The following NEK11 variants were observed in gnomAD, a reference collection of about 807,000 sequenced individuals.
The protein encoded by NEK11 is NIMA related kinase 11, also known as serine/threonine-protein kinase Nek11.
NEK11 carries 72 observed loss-of-function variants against 80.7 expected under a neutral mutation model. That is an observed-to-expected ratio of 0.89 (90% CI 0.74 to 1.08). The LOEUF is 1.08. Among genes scored for constraint, NEK11 ranks in the 50% least tolerant of loss-of-function variants. NEK11 has a pLI of 0.00. For synonymous variants in NEK11, 251 were observed against 260.7 expected, an observed-to-expected ratio of 0.96 and a Z score of 0.36; for missense variants, 764 against 763.6, an observed-to-expected ratio of 1.00 and a Z score of -0.01.
At chr3:131,123,169 AT>A (rs945306508) in intron 5 of NEK11, among the ~76,000 whole-genome samples, 11 of 150,316 alleles carry the variant, frequency 7.3e-5, no homozygotes, top group East Asian at 3.9e-4. Flanking sequence ...ATACATTACG[AT>A]TTTTTTTTTC....
intron 17 of NEK11, among the ~76,000 whole-genome samples, chr3:131,290,289 T>C (rs6439279): frequency 0.76 from 116,087 of 152,110 alleles, 44,427 homozygotes; most frequent in South Asian, 0.81. Flanking sequence ...TGTGTGCACC[T>C]TCACCAGTGT....
chr3:131,029,316 A>T (rs1270797428), intron 2 of NEK11, among the ~76,000 whole-genome samples: 1 of 152,212 alleles, frequency 6.6e-6, no homozygotes, highest in Admixed American at 6.5e-5. Context: ...GGGGAGTATA[A>T]ATCTTAAATA....
chr3:131,184,561 G>A (rs1359725806), intron 14 of NEK11: 5 of 292,938 alleles, frequency 1.7e-5, no homozygotes, highest in Middle Eastern at 4.3e-4. Context: ...TTAAGAACAC[G>A]AATGCTTTTT....
intron 14 of NEK11, among the ~76,000 whole-genome samples, chr3:131,204,190 G>A (rs1339942490): frequency 6.6e-6 from 1 of 152,134 alleles, no homozygotes; most frequent in African/African-American, 2.4e-5. Flanking sequence ...TGAACACATG[G>A]AGGGTCCTAG....
chr3:131,095,054 A>C (rs2077239146), intron 4 of NEK11, among the ~76,000 whole-genome samples: 1 of 152,166 alleles, frequency 6.6e-6, no homozygotes, highest in South Asian at 2.1e-4. Flanking sequence ...GATTTCTCCA[A>C]TTCAGGCACA....
intron 3 of NEK11, among the ~76,000 whole-genome samples, chr3:131,074,793 A>G (rs1309220698): frequency 6.6e-6 from 1 of 152,148 alleles, no homozygotes; most frequent in Admixed American, 6.5e-5. Flanking sequence ...TTCCTGCTCA[A>G]AGAAAGGTTA....
chr3:131,335,154 G>C (rs1029991196), intron 17 of NEK11, among the ~76,000 whole-genome samples: 1 of 152,190 alleles, frequency 6.6e-6, no homozygotes, highest in African/African-American at 2.4e-5. Context: ...AAGCCTGGCA[G>C]AGACACAACC....
rs1017722678 is a variant in NEK11 at position 131,291,859 on chromosome 3, G to A, written c.1718+18285G>A. On this transcript the variant is annotated intron_variant, in intron 17 of 17. Transcript: ENST00000383366. Reference sequence around the variant, plus strand: ...TGCATAATAGCCCCTTATCAGATAAGTGTTTTGCAAATATCTTCTCCCAGT... The same window carrying A: ...TGCATAATAGCCCCTTATCAGATAAATGTTTTGCAAATATCTTCTCCCAGT... Among the ~76,000 whole-genome samples, 3 of 152,156 alleles carry A rather than the reference G, an allele frequency of 2.0e-5. 1 individual carries two copies. Among genetic ancestry groups the A allele is most frequent in the African/African-American group, 7.2e-5 (3 of 41,426 alleles).
At chr3:131,310,634 G>A (rs529566927) in intron 17 of NEK11, among the ~76,000 whole-genome samples, 2 of 152,240 alleles carry the variant, frequency 1.3e-5, no homozygotes, top group South Asian at 4.1e-4. Context: ...GATGTCAGAG[G>A]TGCTGATATT....
chr3:131,137,626 A>G (rs1298589087), intron 7 of NEK11, among the ~76,000 whole-genome samples: 2 of 152,324 alleles, frequency 1.3e-5, no homozygotes, highest in East Asian at 3.9e-4. Flanking sequence ...AAAACATTTC[A>G]GTCAGGTGAA....
At chr3:131,175,078 A>G in intron 14 of NEK11, 1 of 1,139,104 alleles carries the variant, frequency 8.8e-7, no homozygotes, top group Non-Finnish European at 1.1e-6. Flanking sequence ...GACTTACGAT[A>G]TCACCTCTTC....
intron 2 of NEK11, among the ~76,000 whole-genome samples, chr3:131,028,562 T>C (rs1383887920): frequency 6.7e-6 from 1 of 148,520 alleles, no homozygotes; most frequent in Non-Finnish European, 1.5e-5. Context: ...TTTTTTGTTT[T>C]TGTTTTTGTT....
intron 5 of NEK11, among the ~76,000 whole-genome samples, chr3:131,115,952 T>TTC (rs1553878403): frequency 2.3e-5 from 3 of 133,104 alleles, no homozygotes; most frequent in Non-Finnish European, 4.9e-5. Context: ...CTTTCTTTCT[T>TTC]TCTTTCTTTC....
chr3:131,243,592 CTTAGTA>C, intron 16 of NEK11, 96 bp downstream of exon 16: 6 of 996,970 alleles, frequency 6.0e-6, no homozygotes. Flanking sequence ...AGTCTGATAT[CTTAGTA>C]TAACAGATGA....
At chr3:131,257,686 A>T (rs1267059249) in intron 16 of NEK11, among the ~76,000 whole-genome samples, 2 of 152,150 alleles carry the variant, frequency 1.3e-5, no homozygotes, top group East Asian at 3.9e-4. Context: ...AATTGTCAGG[A>T]TTCACATTCT....
At chr3:131,110,490 C>T (rs926788765) in intron 5 of NEK11, among the ~76,000 whole-genome samples, 7 of 152,076 alleles carry the variant, frequency 4.6e-5, no homozygotes, top group African/African-American at 1.4e-4. Flanking sequence ...TTTACATTTA[C>T]AATCTCTGCC....
intron 3 of NEK11, among the ~76,000 whole-genome samples, chr3:131,031,148 T>C (rs2064782149): frequency 6.6e-6 from 1 of 152,246 alleles, no homozygotes; most frequent in African/African-American, 2.4e-5. Flanking sequence ...GTGATGTTAC[T>C]ACTTTGTTTT....
At chr3:131,209,380 G>A (rs1279911396) in intron 14 of NEK11, among the ~76,000 whole-genome samples, 5 of 152,164 alleles carry the variant, frequency 3.3e-5, no homozygotes, top group South Asian at 4.1e-4. Context: ...TTGGTTTGCC[G>A]GTATTTTATT....
intron 5 of NEK11, among the ~76,000 whole-genome samples, chr3:131,121,323 T>C (rs1406593535): frequency 6.6e-6 from 1 of 152,198 alleles, no homozygotes; most frequent in Non-Finnish European, 1.5e-5. Flanking sequence ...ATGGCAAATG[T>C]TGCTGCCTGA....
Sources: gnomAD v4.1 joint callset for allele counts (sites outside exome capture counted in the v4.1 genomes callset) on GRCh38, gnomAD v4.1.1 for gene constraint, MANE v1.5 for transcripts, NCBI Gene and HGNC (gene_info 2026-07-23, HGNC 2026-07-21) for gene names.